The following CSGALNACT1 variants were observed in gnomAD, a reference collection of about 807,000 sequenced individuals.
CSGALNACT1 encodes the protein chondroitin sulfate N-acetylgalactosaminyltransferase 1, also known as beta4GalNAcT-1.
CSGALNACT1 carries 52 observed loss-of-function variants against 51.0 expected under a neutral mutation model. The ratio of observed to expected loss-of-function variants is 1.02; its 90% CI spans 0.82 to 1.29. CSGALNACT1 has a LOEUF of 1.29. Among genes scored for constraint, CSGALNACT1 ranks in the 50% most tolerant of loss-of-function variants. CSGALNACT1 has a pLI of 0.00. For missense variants in CSGALNACT1, 935 were observed against 679.2 expected (o/e 1.38, Z -4.19); for synonymous variants, 341 against 254.4 (o/e 1.34, Z -3.24).
intron 1 of CSGALNACT1, among the ~76,000 whole-genome samples, chr8:19,624,035 T>C (rs529393849): frequency 1.3e-5 from 2 of 152,368 alleles, no homozygotes; most frequent in East Asian, 3.9e-4. Flanking sequence ...TATTTTATAA[T>C]GAGCAGTGGC....
At chr8:19,651,258 A>G (rs1397244836) in intron 1 of CSGALNACT1, among the ~76,000 whole-genome samples, 1 of 151,956 alleles carries the variant, frequency 6.6e-6, no homozygotes, top group Non-Finnish European at 1.5e-5. Flanking sequence ...TTCATTTTCT[A>G]TTTAATTTTC....
chr8:19,426,259 G>A (rs1240144051), intron 6 of CSGALNACT1, among the ~76,000 whole-genome samples: 2 of 152,166 alleles, frequency 1.3e-5, no homozygotes, highest in African/African-American at 2.4e-5. Flanking sequence ...CACTCAGATG[G>A]GCACCAGAGA....
intron 4 of CSGALNACT1, among the ~76,000 whole-genome samples, chr8:19,494,446 T>A (rs1032389770): frequency 1.3e-5 from 2 of 152,320 alleles, no homozygotes; most frequent in Non-Finnish European, 2.9e-5. Flanking sequence ...GTTTAATACA[T>A]GACCCTGTGC....
chr8:19,541,705 T>G (rs985213757), intron 3 of CSGALNACT1, among the ~76,000 whole-genome samples: 8 of 151,850 alleles, frequency 5.3e-5, no homozygotes, highest in Non-Finnish European at 2.9e-5. Flanking sequence ...CTGGCCTGGC[T>G]GATACATTCT....
chr8:19,451,967 T>C (rs1477780538), intron 5 of CSGALNACT1, among the ~76,000 whole-genome samples: 1 of 152,124 alleles, frequency 6.6e-6, no homozygotes. Context: ...ATTTTAAAGG[T>C]GATGCATGGG....
At chr8:19,432,611 T>C (rs1332216791) in intron 6 of CSGALNACT1, among the ~76,000 whole-genome samples, 13 of 151,748 alleles carry the variant, frequency 8.6e-5, no homozygotes, top group Admixed American at 8.5e-4. Context: ...ATTTTCTTCA[T>C]TCTTTTTTCT....
intron 3 of CSGALNACT1, among the ~76,000 whole-genome samples, chr8:19,544,645 T>G (rs571925719): frequency 1.6e-4 from 25 of 152,328 alleles, no homozygotes; most frequent in Non-Finnish European, 2.4e-4. Context: ...TATTTTGTTA[T>G]AATTCTTAAA....
intron 1 of CSGALNACT1, among the ~76,000 whole-genome samples, chr8:19,676,991 G>A (rs1275917448): frequency 6.6e-6 from 1 of 152,184 alleles, no homozygotes; most frequent in Non-Finnish European, 1.5e-5. Context: ...TAGAGGACTA[G>A]AGACAAAAGT....
chr8:19,624,414 C>G (rs888343475), intron 1 of CSGALNACT1, among the ~76,000 whole-genome samples: 6 of 152,076 alleles, frequency 3.9e-5, no homozygotes, highest in African/African-American at 1.4e-4. Context: ...TAGTATAAAC[C>G]ATAAAGCATT....
chr8:19,614,537 A>C (rs1564262790), intron 1 of CSGALNACT1, among the ~76,000 whole-genome samples: 2 of 152,210 alleles, frequency 1.3e-5, no homozygotes, highest in Admixed American at 1.3e-4. Flanking sequence ...ATGAGTTTTT[A>C]CATGTTATAC....
intron 4 of CSGALNACT1, among the ~76,000 whole-genome samples, chr8:19,479,244 G>C (rs146985776): frequency 6.6e-6 from 1 of 152,180 alleles, no homozygotes; most frequent in Non-Finnish European, 1.5e-5. Flanking sequence ...CATTACAGCT[G>C]TCACCAACGC....
intron 4 of CSGALNACT1, among the ~76,000 whole-genome samples, chr8:19,502,521 T>G (rs1023689909): frequency 6.6e-6 from 1 of 152,198 alleles, no homozygotes; most frequent in African/African-American, 2.4e-5. Context: ...AATCCCCATC[T>G]TTGTTATACT....
chr8:19,526,475 C>T (rs1486579459), intron 3 of CSGALNACT1, among the ~76,000 whole-genome samples: 1 of 152,046 alleles, frequency 6.6e-6, no homozygotes, highest in Non-Finnish European at 1.5e-5. Context: ...GCCAGCTACT[C>T]GGGAGACCGA....
rs140578475 is a variant in CSGALNACT1 at position 19,494,717 on chromosome 8, C to T, written c.634+10484G>A. On this transcript the variant is annotated intron_variant, in intron 4 of 9. Coordinates refer to ENST00000454498, the Ensembl canonical transcript of CSGALNACT1. The stretch of plus-strand genomic sequence containing the variant: ...GTACCTCCTCCTGCAATTTAATTTC[C>T]TCTGGTTCTGTTCTTTACAATCAGC... Among the ~76,000 whole-genome samples, 294 of 152,260 alleles carry T rather than the reference C, an allele frequency of 1.9e-3. 5 individuals are homozygous for T. The highest frequency in any genetic ancestry group is 0.016 in the Admixed American group (241 of 15,294).
chr8:19,678,031 C>G (rs914579662), intron 1 of CSGALNACT1, among the ~76,000 whole-genome samples: 4 of 151,936 alleles, frequency 2.6e-5, no homozygotes, highest in African/African-American at 9.7e-5. Context: ...TGCTTGAGCC[C>G]AGGAGGTGGA....
At chr8:19,451,139 T>C (rs2063118073) in intron 5 of CSGALNACT1, among the ~76,000 whole-genome samples, 1 of 152,182 alleles carries the variant, frequency 6.6e-6, no homozygotes, top group Non-Finnish European at 1.5e-5. Context: ...GCTTCTTAAA[T>C]GAAGGCCCTT....
intron 3 of CSGALNACT1, among the ~76,000 whole-genome samples, chr8:19,564,073 G>A (rs942977328): frequency 3.3e-5 from 5 of 152,092 alleles, no homozygotes; most frequent in Non-Finnish European, 5.9e-5. Context: ...TCCACTGTCG[G>A]TGCTCCCACA....
intron 1 of CSGALNACT1, among the ~76,000 whole-genome samples, chr8:19,655,163 T>C (rs1392726598): frequency 6.6e-6 from 1 of 152,132 alleles, no homozygotes; most frequent in Non-Finnish European, 1.5e-5. Flanking sequence ...GCAAAGATTT[T>C]CCTCTGTAGA....
intron 2 of CSGALNACT1, among the ~76,000 whole-genome samples, chr8:19,594,143 C>T (rs1564188621): frequency 6.6e-6 from 1 of 152,110 alleles, no homozygotes; most frequent in Non-Finnish European, 1.5e-5. Flanking sequence ...GAAGCAACTA[C>T]ACAGGTGAAA....
Sources: gnomAD v4.1 joint callset for allele counts (sites outside exome capture counted in the v4.1 genomes callset) on GRCh38, gnomAD v4.1.1 for gene constraint, MANE v1.5 for transcripts, NCBI Gene and HGNC (gene_info 2026-07-23, HGNC 2026-07-21) for gene names.